Variants in TENM2 observed in about 807,000 individuals in gnomAD.
TENM2 encodes the protein teneurin transmembrane protein 2.
A neutral mutation model predicts 245.2 loss-of-function variants in TENM2; 52 were observed. The observed-to-expected ratio is 0.21, with a 90% CI of 0.17 to 0.27. The LOEUF (loss-of-function observed/expected upper bound fraction) is 0.27, where lower values mean the gene tolerates loss of function less well. Among genes scored for constraint, TENM2 ranks in the 10% least tolerant of loss-of-function variants. TENM2 has a pLI of 1.00. For synonymous variants in TENM2, 1,363 were observed against 1,438.9 expected (o/e 0.95, Z 1.19); for missense variants, 3,046 against 3,666.8 (o/e 0.83, Z 4.37).
intron 5 of TENM2, among the ~76,000 whole-genome samples, chr5:168,030,677 G>A (rs1787064418): frequency 6.6e-6 from 1 of 152,168 alleles, no homozygotes; most frequent in Non-Finnish European, 1.5e-5. Context: ...ACCAGGCACA[G>A]GGTTGAAGGT....
Position 167,349,066 on chromosome 5 carries a change from T to C in TENM2, c.227-26132T>C, listed in dbSNP as rs551088833. On this transcript the variant is annotated intron_variant, in intron 1 of 28. Coordinates refer to ENST00000518659, the Ensembl canonical transcript of TENM2. ...AAATTCCCCCACTTCAAGTGTACAA[T>C]TGAATTAACTTTAGTAAATTTCTAA... is the stretch of plus-strand genomic sequence containing the variant. 1.2e-3 allele frequency among the ~76,000 whole-genome samples: 190 copies of C among 152,324 alleles called. 1 individual carries two copies. Among genetic ancestry groups the C allele is most frequent in the African/African-American group, 4.2e-3 (176 of 41,572 alleles).
intron 2 of TENM2, among the ~76,000 whole-genome samples, chr5:167,820,008 T>G (rs1664988993): frequency 1.3e-5 from 2 of 152,224 alleles, no homozygotes; most frequent in South Asian, 2.1e-4. Flanking sequence ...TCAACTTTGC[T>G]GCTTCCATGT....
the TENM2 span, among the ~76,000 whole-genome samples, chr5:166,980,321 T>C: frequency 6.6e-6 from 1 of 152,194 alleles, no homozygotes; most frequent in Non-Finnish European, 1.5e-5. Context: ...TAGATCTTAC[T>C]TGAAGTGGCA....
chr5:167,696,031 C>CA lies in TENM2; in HGVS notation c.503-179946dup, dbSNP rs112642946. Reference sequence around the variant, plus strand: ...CCTGGGCGACAGAGCAAGACTCCGTCAAAAAAAAACAAAAAAACAAAAAAA... The same window carrying CA: ...CCTGGGCGACAGAGCAAGACTCCGTCAAAAAAAAAACAAAAAAACAAAAAAA... On this transcript the variant is annotated intron_variant, in intron 2 of 28. Transcript: ENST00000518659. 3.0e-3 allele frequency among the ~76,000 whole-genome samples: 365 copies of CA among 123,036 alleles called. 2 individuals are homozygous for CA. Among genetic ancestry groups the CA allele is most frequent in the African/African-American group, 5.0e-3 (168 of 33,662 alleles). 80.7% of individuals were successfully genotyped at this position (123,036 alleles called of 152,430 possible).
At chr5:168,089,499 T>C (rs924071959) in intron 7 of TENM2, among the ~76,000 whole-genome samples, 1 of 152,198 alleles carries the variant, frequency 6.6e-6, no homozygotes. Flanking sequence ...CCCATCCCCT[T>C]ATCCTGGTAG....
At chr5:167,899,561 A>G (rs1775519546) in intron 3 of TENM2, among the ~76,000 whole-genome samples, 1 of 152,204 alleles carries the variant, frequency 6.6e-6, no homozygotes, top group Non-Finnish European at 1.5e-5. Flanking sequence ...GATTTTAGGT[A>G]CCCTGCACAA....
chr5:167,609,246 GT>G (rs1454365082), intron 2 of TENM2, among the ~76,000 whole-genome samples: 2 of 152,030 alleles, frequency 1.3e-5, no homozygotes, highest in East Asian at 3.9e-4. Flanking sequence ...AATGAGAAAG[GT>G]TGTTGCCCAG....
intron 2 of TENM2, among the ~76,000 whole-genome samples, chr5:167,475,381 A>G (rs955172434): frequency 1.3e-5 from 2 of 152,188 alleles, no homozygotes; most frequent in African/African-American, 2.4e-5. Context: ...CTGAGAAATC[A>G]TGAAAATATT....
At chr5:167,771,426 T>A (rs1582966453) in intron 2 of TENM2, among the ~76,000 whole-genome samples, 1 of 152,282 alleles carries the variant, frequency 6.6e-6, no homozygotes, top group South Asian at 2.1e-4. Context: ...GCTACCCCAG[T>A]ATCTTAGAGA....
intron 13 of TENM2, among the ~76,000 whole-genome samples, chr5:168,174,746 G>A (rs536296919): frequency 1.9e-4 from 29 of 152,280 alleles, no homozygotes; most frequent in East Asian, 7.7e-4. Context: ...ATCCTGAGGC[G>A]GTGGCCACTT....
chr5:167,140,686 G>T, the TENM2 span, among the ~76,000 whole-genome samples: 1 of 152,204 alleles, frequency 6.6e-6, no homozygotes, highest in Non-Finnish European at 1.5e-5. Flanking sequence ...CAATACACTT[G>T]GTGGCAGAAC....
intron 4 of TENM2, among the ~76,000 whole-genome samples, chr5:167,959,059 A>G (rs956820518): frequency 6.6e-6 from 1 of 152,118 alleles, no homozygotes; most frequent in African/African-American, 2.4e-5. Flanking sequence ...CTCCTGGATA[A>G]TATCCTGAAG....
At chr5:167,143,528 A>G in the TENM2 span, among the ~76,000 whole-genome samples, 1 of 151,984 alleles carries the variant, frequency 6.6e-6, no homozygotes, top group Non-Finnish European at 1.5e-5. Context: ...ATTTTTTCCC[A>G]CTTCTTTTGG....
chr5:167,865,503 G>C (rs933424925), intron 2 of TENM2, among the ~76,000 whole-genome samples: 2 of 152,044 alleles, frequency 1.3e-5, no homozygotes, highest in African/African-American at 2.4e-5. Flanking sequence ...CAAACTCCTA[G>C]ACTCAAGTGA....
At chr5:167,378,720 T>A (rs1281157063) in intron 2 of TENM2, among the ~76,000 whole-genome samples, 1 of 151,966 alleles carries the variant, frequency 6.6e-6, no homozygotes, top group African/African-American at 2.4e-5. Context: ...ATTATATGAG[T>A]TATGGAGAAA....
chr5:167,649,550 G>A (rs1194266570), intron 2 of TENM2, among the ~76,000 whole-genome samples: 1 of 152,082 alleles, frequency 6.6e-6, no homozygotes, highest in Admixed American at 6.5e-5. Flanking sequence ...AGTCTTTTGA[G>A]ACTGTCTTTT....
At chr5:167,443,125 T>G (rs1003463208) in intron 2 of TENM2, among the ~76,000 whole-genome samples, 2 of 152,180 alleles carry the variant, frequency 1.3e-5, no homozygotes, top group Non-Finnish European at 2.9e-5. Flanking sequence ...GGTTTATTAT[T>G]CTGTGAAAGT....
the TENM2 span, among the ~76,000 whole-genome samples, chr5:167,178,319 T>C: frequency 2.0e-5 from 3 of 152,140 alleles, no homozygotes; most frequent in African/African-American, 7.2e-5. Context: ...GACTTCAGGG[T>C]GTTTATACAT....
At chr5:167,314,971 T>G (rs1756269459) in intron 1 of TENM2, among the ~76,000 whole-genome samples, 1 of 152,092 alleles carries the variant, frequency 6.6e-6, no homozygotes, top group Admixed American at 6.6e-5. Flanking sequence ...TCTTAAATGT[T>G]TTCCTTTTTA....
Sources: gnomAD v4.1 joint callset for allele counts (sites outside exome capture counted in the v4.1 genomes callset) on GRCh38, gnomAD v4.1.1 for gene constraint, MANE v1.5 for transcripts, NCBI Gene and HGNC (gene_info 2026-07-23, HGNC 2026-07-21) for gene names.